Variants in PARN observed in about 807,000 individuals in gnomAD.
PARN encodes poly(A)-specific ribonuclease PARN.
A neutral mutation model predicts 102.8 loss-of-function variants in PARN; 71 were observed. That is an observed-to-expected ratio of 0.69 (90% CI 0.57 to 0.84). PARN has a LOEUF of 0.84. Among genes scored for constraint, PARN ranks in the 40% least tolerant of loss-of-function variants. PARN has a pLI of 0.00. For missense variants in PARN, 782 were observed against 760.9 expected (o/e 1.03, Z -0.33); for synonymous variants, 261 against 252.9 (o/e 1.03, Z -0.30).
chr16:14,628,301 A>T, intron 2 of PARN, 50 bp from the exon 3 acceptor site: 1 of 1,031,758 alleles, frequency 9.7e-7, no homozygotes, highest in African/African-American at 1.6e-5. Flanking sequence ...ATACTAACGT[A>T]AAAATGCCAG....
chr16:14,567,028 A>C (rs1343837872), intron 18 of PARN, among the ~76,000 whole-genome samples: 2 of 152,246 alleles, frequency 1.3e-5, no homozygotes, highest in African/African-American at 4.8e-5. Flanking sequence ...ACAGTAATTT[A>C]ATGTGCCCTG....
chr16:14,468,584 T>G (rs369181953), intron 22 of PARN, among the ~76,000 whole-genome samples: 3 of 152,184 alleles, frequency 2.0e-5, no homozygotes, highest in Non-Finnish European at 2.9e-5. Flanking sequence ...AGGTAAGCCA[T>G]CAGCCACATG....
At chr16:14,564,342 G>A (rs756490469) in intron 18 of PARN, among the ~76,000 whole-genome samples, 8 of 152,200 alleles carry the variant, frequency 5.3e-5, no homozygotes, top group Non-Finnish European at 1.2e-4. Flanking sequence ...GTGGAGCCCT[G>A]ATACAAAAAA....
At chr16:14,495,946 A>G (rs771867574) in intron 21 of PARN, among the ~76,000 whole-genome samples, 2 of 152,122 alleles carry the variant, frequency 1.3e-5, no homozygotes, top group Non-Finnish European at 2.9e-5. Flanking sequence ...TCCCAAAAGC[A>G]CCAGGGCTGG....
At position 14,445,347 on chromosome 16, in the gene PARN, A is replaced by G. The variant is rs570105422; in HGVS notation, c.1864+1541T>C. Reference sequence around the variant, plus strand: ...GATTCAGAAAACTCCCCACAGTCAGATCGGGCCACATGCAAAAGGGGATTA... The same window carrying G: ...GATTCAGAAAACTCCCCACAGTCAGGTCGGGCCACATGCAAAAGGGGATTA... On this transcript the variant is annotated intron_variant, in intron 23 of 23. Coordinates refer to ENST00000437198, the MANE Select transcript of PARN (RefSeq NM_002582.4). 5.9e-5 allele frequency among the ~76,000 whole-genome samples: 9 copies of G among 152,270 alleles called. No individual in the cohort carries two copies. The South Asian group carries it at 1.9e-3, about 32-fold the overall frequency.
chr16:14,523,361 T>C (rs1965837854), intron 21 of PARN, among the ~76,000 whole-genome samples: 2 of 152,090 alleles, frequency 1.3e-5, no homozygotes, highest in South Asian at 4.1e-4. Flanking sequence ...TGACAAACCC[T>C]ACACTTAACA....
At chr16:14,516,632 A>C (rs561467616) in intron 21 of PARN, among the ~76,000 whole-genome samples, 1 of 152,344 alleles carries the variant, frequency 6.6e-6, no homozygotes, top group South Asian at 2.1e-4. Flanking sequence ...TTTTACACCT[A>C]GCTGAGCCTA....
At chr16:14,623,046 G>A (rs1008698716) in intron 5 of PARN, among the ~76,000 whole-genome samples, 5 of 151,324 alleles carry the variant, frequency 3.3e-5, no homozygotes, top group Non-Finnish European at 5.9e-5. Context: ...CAAGGCTGCA[G>A]TGAGCCATGA....
intron 21 of PARN, among the ~76,000 whole-genome samples, chr16:14,532,644 C>T (rs960433366): frequency 8.5e-5 from 13 of 152,260 alleles, no homozygotes; most frequent in African/African-American, 2.6e-4. Context: ...CACAAAACCG[C>T]CATTGTCATC....
intron 23 of PARN, among the ~76,000 whole-genome samples, chr16:14,437,844 C>G (rs773018567): frequency 9.2e-5 from 14 of 152,172 alleles, no homozygotes; most frequent in Non-Finnish European, 1.9e-4. Flanking sequence ...TCACTGAGTT[C>G]ACAGTGGTTA....
chr16:14,471,967 C>T (rs1962774137), intron 22 of PARN, among the ~76,000 whole-genome samples: 1 of 152,172 alleles, frequency 6.6e-6, no homozygotes, highest in African/African-American at 2.4e-5. Context: ...TTTTGCTTAT[C>T]CAAATTGTCC....
intron 21 of PARN, among the ~76,000 whole-genome samples, chr16:14,524,624 T>C (rs1040956604): frequency 6.6e-5 from 10 of 152,236 alleles, no homozygotes; most frequent in African/African-American, 2.2e-4. Context: ...ACTTAAAATA[T>C]GTTACTGAAG....
At chr16:14,626,247 C>A (rs1972652594) in intron 5 of PARN, among the ~76,000 whole-genome samples, 1 of 152,198 alleles carries the variant, frequency 6.6e-6, no homozygotes, top group African/African-American at 2.4e-5. Context: ...AGGTCTACAC[C>A]CTCAGAGTGG....
At chr16:14,547,713 A>G (rs1422017797) in intron 21 of PARN, among the ~76,000 whole-genome samples, 1 of 152,178 alleles carries the variant, frequency 6.6e-6, no homozygotes, top group Non-Finnish European at 1.5e-5. Flanking sequence ...CAGTCTCCCA[A>G]AAAAAGTCAA....
intron 22 of PARN, among the ~76,000 whole-genome samples, chr16:14,457,936 G>GTC (rs1961762836): frequency 6.6e-6 from 1 of 151,386 alleles, no homozygotes; most frequent in African/African-American, 2.4e-5. Context: ...GTGTGGGTGT[G>GTC]TGTGTGTGTG....
At chr16:14,581,013 A>G in intron 17 of PARN, 70 bp from the exon 18 acceptor site, 1 of 855,382 alleles carries the variant, frequency 1.2e-6, no homozygotes, top group Non-Finnish European at 2.0e-6. Context: ...TTCAGACCAA[A>G]ACAGATTTAA....
intron 22 of PARN, among the ~76,000 whole-genome samples, chr16:14,467,968 C>T (rs937522879): frequency 2.0e-5 from 3 of 152,208 alleles, no homozygotes; most frequent in Non-Finnish European, 4.4e-5. Flanking sequence ...CAAGGTATTA[C>T]TTGCTAGGTG....
At chr16:14,508,846 G>C (rs959686892) in intron 21 of PARN, among the ~76,000 whole-genome samples, 1 of 151,278 alleles carries the variant, frequency 6.6e-6, no homozygotes, top group Non-Finnish European at 1.5e-5. Context: ...GATCACTTGA[G>C]GCCAGGAGTT....
Position 14,586,362 on chromosome 16 carries a change from C to A in PARN, c.919-1G>T. ...TCATCTCTTTAAACTCACTTAAGTCCTAAAGAACAAGAGAAGGACTTGTTA... is the reference window on the plus strand; with the variant it reads ...TCATCTCTTTAAACTCACTTAAGTCATAAAGAACAAGAGAAGGACTTGTTA... On this transcript the variant is annotated splice_acceptor_variant, in intron 13 of 23. Transcript: ENST00000437198. LOFTEE classifies it high-confidence loss of function. The A allele has an allele frequency of 6.6e-7, 1 of 1,519,016 alleles. No individual in the cohort carries two copies. The allele number at this position is 1,519,016 out of a possible 1,614,324, so 94.1% of individuals were successfully genotyped here.
Sources: allele counts gnomAD v4.1 joint callset (sites outside exome capture counted in the v4.1 genomes callset), GRCh38; gene constraint gnomAD v4.1.1; transcripts MANE v1.5; gene names NCBI Gene and HGNC (gene_info 2026-07-23, HGNC 2026-07-21).